The following NRG1 variants were observed in gnomAD, a reference collection of about 807,000 sequenced individuals.
NRG1 encodes the protein pro-neuregulin-1, membrane-bound isoform.
In NRG1, 18 loss-of-function variants were observed where a neutral mutation model predicts 63.8. That is an observed-to-expected ratio of 0.28 (90% CI 0.19 to 0.42). NRG1 has a LOEUF of 0.42. Among genes scored for constraint, NRG1 ranks in the 10% least tolerant of loss-of-function variants. The pLI is 1.00. For synonymous variants in NRG1, 302 were observed against 301.3 expected (o/e 1.00, Z -0.02); for missense variants, 762 against 814.7 (o/e 0.94, Z 0.79).
At chr8:32,339,509 T>G (rs1208309864) in intron 1 of NRG1, among the ~76,000 whole-genome samples, 1 of 152,178 alleles carries the variant, frequency 6.6e-6, no homozygotes, top group African/African-American at 2.4e-5. Flanking sequence ...CAGAAAGTTG[T>G]GTGTTTTGCA....
intron 1 of NRG1, among the ~76,000 whole-genome samples, chr8:32,075,004 G>T (rs1826282482): frequency 6.6e-6 from 1 of 152,188 alleles, no homozygotes; most frequent in South Asian, 2.1e-4. Context: ...CTTTAGGCAG[G>T]ATGCCTCAGT....
chr8:32,655,407 A>G (rs192351217), intron 5 of NRG1, among the ~76,000 whole-genome samples: 65 of 152,326 alleles, frequency 4.3e-4, no homozygotes, highest in Middle Eastern at 6.8e-3. Context: ...ACAAATGGGG[A>G]TGTTAACATC....
At chr8:32,735,701 G>A (rs187936849) in intron 6 of NRG1, among the ~76,000 whole-genome samples, 1 of 152,238 alleles carries the variant, frequency 6.6e-6, no homozygotes, top group African/African-American at 2.4e-5. Context: ...CCAACTTAAG[G>A]ATTCATCATG....
intron 5 of NRG1, among the ~76,000 whole-genome samples, chr8:32,672,833 A>C (rs1289534104): frequency 1.3e-5 from 2 of 152,208 alleles, no homozygotes; most frequent in African/African-American, 2.4e-5. Flanking sequence ...AGCTCAGAGA[A>C]TGTTGAGAAA....
chr8:32,351,600 G>A (rs952696762), intron 1 of NRG1, among the ~76,000 whole-genome samples: 5 of 152,078 alleles, frequency 3.3e-5, no homozygotes, highest in Admixed American at 2.0e-4. Flanking sequence ...CAGCTTAAGT[G>A]TGTGCCTTCC....
intron 3 of NRG1, among the ~76,000 whole-genome samples, chr8:32,608,491 G>C (rs144049580): frequency 1.2e-3 from 183 of 152,110 alleles, no homozygotes; most frequent in African/African-American, 4.3e-3. Context: ...GGTGTGAGCC[G>C]CTGCGCCCAG....
chr8:32,149,072 A>G (rs1837212192), intron 1 of NRG1, among the ~76,000 whole-genome samples: 1 of 152,208 alleles, frequency 6.6e-6, no homozygotes, highest in Non-Finnish European at 1.5e-5. Context: ...GACTTGGGCA[A>G]GCAACACCAT....
At chr8:32,183,137 A>G (rs1269407672) in intron 1 of NRG1, among the ~76,000 whole-genome samples, 2 of 152,186 alleles carry the variant, frequency 1.3e-5, no homozygotes, top group Non-Finnish European at 2.9e-5. Context: ...AGTTTCCATC[A>G]CAGTTGCTGG....
intron 1 of NRG1, among the ~76,000 whole-genome samples, chr8:32,278,268 T>C (rs1428968025): frequency 6.6e-6 from 1 of 152,180 alleles, no homozygotes; most frequent in African/African-American, 2.4e-5. Flanking sequence ...GACTGACTAC[T>C]AAATTGTTAG....
At chr8:31,772,365 A>G (rs1405920444) in intron 1 of NRG1, among the ~76,000 whole-genome samples, 4 of 152,168 alleles carry the variant, frequency 2.6e-5, no homozygotes, top group African/African-American at 9.7e-5. Flanking sequence ...CTCTCTACAC[A>G]GTAAGGGCTC....
intron 1 of NRG1, among the ~76,000 whole-genome samples, chr8:31,739,848 T>TA (rs1232311716): frequency 9.2e-5 from 14 of 152,098 alleles, no homozygotes; most frequent in Admixed American, 9.2e-4. Flanking sequence ...GTATTTTGAA[T>TA]AAAAGAGTTG....
chr8:32,247,990 C>A (rs1025397624), intron 1 of NRG1, among the ~76,000 whole-genome samples: 1 of 152,074 alleles, frequency 6.6e-6, no homozygotes, highest in African/African-American at 2.4e-5. Flanking sequence ...TAAATGAATT[C>A]ATCAAGCCTT....
intron 5 of NRG1, chr8:32,647,897 G>C (rs189750959): frequency 6.2e-7 from 1 of 1,614,038 alleles, no homozygotes; most frequent in East Asian, 2.2e-5. Context: ...CCTGCTGTGC[G>C]TGCCTAGAAG....
intron 5 of NRG1, among the ~76,000 whole-genome samples, chr8:32,633,128 C>G (rs759220891): frequency 2.0e-5 from 3 of 152,142 alleles, no homozygotes; most frequent in Non-Finnish European, 4.4e-5. Flanking sequence ...ATCTGACTAA[C>G]TGTACTTTAA....
intron 5 of NRG1, among the ~76,000 whole-genome samples, chr8:32,690,906 T>A (rs1267157416): frequency 6.6e-6 from 1 of 151,584 alleles, no homozygotes; most frequent in African/African-American, 2.4e-5. Context: ...ATTAGTTACA[T>A]GGAAACTTGG....
chr8:32,174,229 C>T lies in NRG1; in HGVS notation c.38-421599C>T, dbSNP rs1205676802. On this transcript the variant is annotated intron_variant, in intron 1 of 10. Coordinates refer to the NRG1 transcript ENST00000519301. ...CTACAAGGAAACTGAACAACCTGCT[C>T]CTGAATGACTACTGGGTACATAACA... Among the ~76,000 whole-genome samples the T allele has an allele frequency of 2.6e-5, 4 of 152,130 alleles. No individual in the cohort carries two copies. In the East Asian group the frequency reaches 5.8e-4, roughly 22 times the overall value.
chr8:32,276,730 T>A (rs1852142084), intron 1 of NRG1, among the ~76,000 whole-genome samples: 1 of 152,100 alleles, frequency 6.6e-6, no homozygotes, highest in African/African-American at 2.4e-5. Context: ...TTTGGATGCT[T>A]TTAAATAGTG....
At chr8:32,196,197 C>T (rs1296818607) in intron 1 of NRG1, among the ~76,000 whole-genome samples, 3 of 150,094 alleles carry the variant, frequency 2.0e-5, no homozygotes, top group African/African-American at 7.3e-5. Context: ...GTTTACTAAA[C>T]AAATGTTTGA....
At chr8:31,968,778 T>C (rs1168841897) in intron 1 of NRG1, among the ~76,000 whole-genome samples, 2 of 152,116 alleles carry the variant, frequency 1.3e-5, no homozygotes, top group African/African-American at 4.8e-5. Flanking sequence ...GGTTTTTAGT[T>C]TGAGGGATAT....
Sources: allele counts gnomAD v4.1 joint callset (sites outside exome capture counted in the v4.1 genomes callset), GRCh38; gene constraint gnomAD v4.1.1; transcripts MANE v1.5; gene names NCBI Gene and HGNC (gene_info 2026-07-23, HGNC 2026-07-21).